UPP2: variants seen among roughly 807,000 people sequenced by gnomAD.
The protein encoded by UPP2 is UPase 2.
UPP2 carries 23 observed loss-of-function variants against 26.7 expected under a neutral mutation model. The observed-to-expected ratio is 0.86, with a 90% confidence interval of 0.62 to 1.22. UPP2 has a LOEUF of 1.22. Ranked by LOEUF, UPP2 falls within the 50% of genes most tolerant of loss-of-function variation. The pLI is 0.00. For missense variants in UPP2, 387 were observed against 396.7 expected (o/e 0.98, Z 0.21); for synonymous variants, 127 against 141.3 (o/e 0.90, Z 0.72).
intron 3 of UPP2, among the ~76,000 whole-genome samples, chr2:158,071,697 C>A (rs79917889): frequency 6.6e-6 from 1 of 152,150 alleles, no homozygotes; most frequent in Non-Finnish European, 1.5e-5. Flanking sequence ...TATGAGTCCC[C>A]CAGACAACAT....
At chr2:158,030,831 T>C (rs1441601296) in intron 3 of UPP2, among the ~76,000 whole-genome samples, 3 of 152,196 alleles carry the variant, frequency 2.0e-5, no homozygotes, top group Non-Finnish European at 2.9e-5. Flanking sequence ...TAAGGTGACC[T>C]GAGGCACATC....
chr2:158,059,874 G>A (rs1177540097), intron 3 of UPP2, among the ~76,000 whole-genome samples: 2 of 152,050 alleles, frequency 1.3e-5, no homozygotes, highest in Non-Finnish European at 2.9e-5. Context: ...CCAATTCAAA[G>A]GATCTTCTTG....
intron 2 of UPP2, 113 bp from the exon 3 acceptor site, chr2:158,114,988 A>G (rs1683393620): frequency 1.9e-6 from 2 of 1,039,102 alleles, no homozygotes. Flanking sequence ...TGACATCTAC[A>G]CGTGTTCTTA....
chr2:158,113,058 A>G (rs1431642130), intron 2 of UPP2, among the ~76,000 whole-genome samples: 1 of 152,152 alleles, frequency 6.6e-6, no homozygotes, highest in East Asian at 1.9e-4. Flanking sequence ...TTGTGTCCAG[A>G]GGTGGTGTTT....
rs766129848 is a variant in UPP2 at position 158,064,437 on chromosome 2, T to TG, written c.148-37601dup. Among the ~76,000 whole-genome samples the TG allele has an allele frequency of 5.1e-3, 770 of 150,366 alleles. 5 individuals are homozygous for TG. Among genetic ancestry groups the TG allele is most frequent in the African/African-American group, 0.015 (617 of 40,418 alleles). On this transcript the variant is annotated intron_variant, in intron 3 of 9. Coordinates refer to the UPP2 transcript ENST00000605860. Reference sequence around the variant, plus strand: ...TTCATATCCTTCACCCACTTTTTGATGGTTTTTTTTTTTCTTGTAAATTTA... The same window carrying TG: ...TTCATATCCTTCACCCACTTTTTGATGGGTTTTTTTTTTTCTTGTAAATTTA...
intron 3 of UPP2, among the ~76,000 whole-genome samples, chr2:158,084,344 T>C (rs754762352): frequency 2.6e-5 from 4 of 152,118 alleles, no homozygotes; most frequent in African/African-American, 7.2e-5. Context: ...GACCACTTTT[T>C]GATGGGATTT....
intron 3 of UPP2, among the ~76,000 whole-genome samples, chr2:158,051,016 C>T (rs1399019664): frequency 6.6e-6 from 1 of 152,080 alleles, no homozygotes; most frequent in Non-Finnish European, 1.5e-5. Context: ...TGTATCAAAA[C>T]ATCTCAGGTA....
At chr2:158,051,857 C>T (rs1247926957) in intron 3 of UPP2, among the ~76,000 whole-genome samples, 4 of 152,160 alleles carry the variant, frequency 2.6e-5, no homozygotes, top group Non-Finnish European at 5.9e-5. Context: ...CAACATTTCA[C>T]TGAGTCTTCA....
chr2:158,103,614 C>A (rs1240461969), intron 1 of UPP2, among the ~76,000 whole-genome samples: 1 of 152,040 alleles, frequency 6.6e-6, no homozygotes, highest in African/African-American at 2.4e-5. Flanking sequence ...ATTTCCAGGT[C>A]GTGAAAGTAG....
intron 3 of UPP2, among the ~76,000 whole-genome samples, chr2:158,043,672 G>C (rs962556023): frequency 2.6e-5 from 4 of 152,212 alleles, no homozygotes; most frequent in African/African-American, 9.7e-5. Context: ...GTATGTGCTT[G>C]CTTAGGAGGA....
intron 1 of UPP2, among the ~76,000 whole-genome samples, chr2:158,105,394 T>A (rs1358449429): frequency 6.6e-6 from 1 of 152,062 alleles, no homozygotes; most frequent in Non-Finnish European, 1.5e-5. Context: ...AAGTGGTGTG[T>A]TCAGCATGGT....
chr2:158,125,805 G>A (rs771768084), intron 6 of UPP2, among the ~76,000 whole-genome samples: 10 of 152,084 alleles, frequency 6.6e-5, no homozygotes, highest in South Asian at 2.1e-4. Context: ...AGTTAGTGAC[G>A]GTGGGAAAGC....
chr2:158,010,314 A>G (rs935518504), intron 2 of UPP2, among the ~76,000 whole-genome samples: 2 of 152,206 alleles, frequency 1.3e-5, no homozygotes, highest in African/African-American at 4.8e-5. Context: ...TGTTATAAGT[A>G]GTGCTTTGAT....
chr2:158,022,801 T>A (rs1683773367), intron 3 of UPP2, among the ~76,000 whole-genome samples: 1 of 152,210 alleles, frequency 6.6e-6, no homozygotes, highest in South Asian at 2.1e-4. Flanking sequence ...ATTTATCCAC[T>A]CATTCTTTCA....
At chr2:158,000,094 G>A (rs751986687) in intron 2 of UPP2, among the ~76,000 whole-genome samples, 1 of 149,876 alleles carries the variant, frequency 6.7e-6, no homozygotes, top group Non-Finnish European at 1.5e-5. Flanking sequence ...ACAGAGTCTT[G>A]GTCTTGTCCC....
chr2:158,070,605 G>A (rs1441154329), intron 3 of UPP2, among the ~76,000 whole-genome samples: 1 of 152,166 alleles, frequency 6.6e-6, no homozygotes, highest in Non-Finnish European at 1.5e-5. Context: ...CTGTTTATGG[G>A]GGGCGGAGCA....
At position 158,001,027 on chromosome 2, in the gene UPP2, A is replaced by G. The variant is rs371624451; in HGVS notation, c.61+5768A>G. The stretch of plus-strand genomic sequence containing the variant: ...ACTGCATTCACTTCTCTGTATTGCT[A>G]ATCCTCAGTAAAGAAGTTTCTCCTT... On this transcript the variant is annotated intron_variant, in intron 2 of 9. Transcript: ENST00000605860. Among the ~76,000 whole-genome samples, 15 of 152,334 alleles carry G rather than the reference A, an allele frequency of 9.8e-5. No homozygotes were observed. The South Asian group carries it at 2.5e-3, about 25-fold the overall frequency.
chr2:158,100,101 G>C (rs148188568), upstream of UPP2, among the ~76,000 whole-genome samples: 3 of 152,308 alleles, frequency 2.0e-5, no homozygotes, highest in Non-Finnish European at 4.4e-5. Context: ...GAGCAGGATC[G>C]AGTCTTGAGA....
rs753455771 is a variant in UPP2 at position 158,115,168 on chromosome 2, G to A, written c.248G>A (p.Gly83Glu). The change falls in exon 3 of 7, where the codon GGG (glycine) becomes GAG (glutamate). Residue 83 changes from glycine to glutamate, a missense_variant. Coordinates refer to ENST00000005756, the MANE Select transcript of UPP2 (RefSeq NM_173355.4). ...AFALFMHKELGFEEAEEDIKD... is the reference protein window; with the variant it reads ...AFALFMHKELEFEEAEEDIKD... ...GCACTGTTTATGCACAAGGAGCTCG[G>A]GTTTGAGGAAGCTGAAGAAGACATA... is the stretch of plus-strand genomic sequence containing the variant. 6.2e-7 allele frequency: 1 copy of A among 1,613,462 alleles called. No individual in the cohort carries two copies. Among genetic ancestry groups the A allele is most frequent in the South Asian group, 1.1e-5 (1 of 91,002 alleles).
Sources: allele counts gnomAD v4.1 joint callset (sites outside exome capture counted in the v4.1 genomes callset), GRCh38; gene constraint gnomAD v4.1.1; transcripts MANE v1.5; gene names NCBI Gene and HGNC (gene_info 2026-07-23, HGNC 2026-07-21).